Variants in ABAT observed in about 807,000 individuals in gnomAD.
ABAT encodes the protein 4-aminobutyrate aminotransferase.
In ABAT, 45 loss-of-function variants were observed where a neutral mutation model predicts 64.6. That is an observed-to-expected ratio of 0.70 (90% CI 0.55 to 0.89). The LOEUF is 0.89. Ranked by LOEUF, ABAT falls within the 40% of genes least tolerant of loss-of-function variation. The pLI, the probability that ABAT is intolerant of heterozygous loss-of-function variation, is 0.00. For synonymous variants in ABAT, 297 were observed against 250.5 expected, an observed-to-expected ratio of 1.19 and a Z score of -1.75; for missense variants, 633 against 658.4, an observed-to-expected ratio of 0.96 and a Z score of 0.42.
chr16:8,709,826 C>CTTTT (rs35255805), intron 1 of ABAT, among the ~76,000 whole-genome samples: 9 of 146,054 alleles, frequency 6.2e-5, no homozygotes, highest in Admixed American at 2.7e-4. Flanking sequence ...AGTCAGTTAA[C>CTTTT]TTTTTTTTTT....
At chr16:8,723,256 C>T (rs1389908749) in intron 1 of ABAT, among the ~76,000 whole-genome samples, 3 of 151,968 alleles carry the variant, frequency 2.0e-5, no homozygotes, top group African/African-American at 4.8e-5. Context: ...GAGAGGAAGC[C>T]GAGAGGCTAT....
chr16:8,769,557 CAAAAAAAAA>C (rs35002036), intron 11 of ABAT, among the ~76,000 whole-genome samples: 7 of 86,766 alleles, frequency 8.1e-5, no homozygotes, highest in African/African-American at 1.8e-4. Flanking sequence ...AGACTCTGTC[CAAAAAAAAA>C]AAAAAAAAAA....
intron 11 of ABAT, among the ~76,000 whole-genome samples, chr16:8,771,501 C>G (rs1421913845): frequency 3.6e-5 from 5 of 140,264 alleles, no homozygotes; most frequent in Non-Finnish European, 6.0e-5. Context: ...GAGTTTCACT[C>G]TCTTGCCCAG....
At chr16:8,740,743 C>G (rs2059140569) in intron 2 of ABAT, among the ~76,000 whole-genome samples, 1 of 152,216 alleles carries the variant, frequency 6.6e-6, no homozygotes, top group African/African-American at 2.4e-5. Context: ...AAATAGAATA[C>G]AGAGAGTGGG....
chr16:8,742,277 CT>C, intron 2 of ABAT, among the ~76,000 whole-genome samples: 1 of 152,212 alleles, frequency 6.6e-6, no homozygotes, highest in Admixed American at 6.5e-5. Flanking sequence ...GCAGCTCCCC[CT>C]GTGTACTGCT....
At chr16:8,677,765 CT>C (rs2057238032) in intron 1 of ABAT, among the ~76,000 whole-genome samples, 1 of 152,170 alleles carries the variant, frequency 6.6e-6, no homozygotes, top group Admixed American at 6.6e-5. Context: ...AACTGCTGGT[CT>C]AATACATGGC....
intron 4 of ABAT, among the ~76,000 whole-genome samples, chr16:8,748,749 T>A (rs1026767623): frequency 3.3e-5 from 5 of 152,224 alleles, no homozygotes; most frequent in Admixed American, 6.5e-5. Context: ...ATCTTCTTAG[T>A]GGATTGACCC....
intron 1 of ABAT, among the ~76,000 whole-genome samples, chr16:8,732,439 C>T (rs1396519713): frequency 6.6e-6 from 1 of 150,390 alleles, no homozygotes; most frequent in Non-Finnish European, 1.5e-5. Flanking sequence ...GAGCCTGCTG[C>T]CTTCAAGCAT....
intron 1 of ABAT, among the ~76,000 whole-genome samples, chr16:8,729,817 CT>C (rs1567290053): frequency 1.1e-5 from 1 of 95,122 alleles, no homozygotes; most frequent in Non-Finnish European, 2.0e-5. Context: ...TTGTCTAGCC[CT>C]TTTTTGTCTT....
intron 2 of ABAT, 110 bp downstream of exon 2, chr16:8,735,919 G>A (rs1168900420): frequency 2.2e-6 from 2 of 928,380 alleles, no homozygotes; most frequent in Non-Finnish European, 3.4e-6. Flanking sequence ...GCCAGTGAGT[G>A]TTTCTGGGAC....
intron 1 of ABAT, among the ~76,000 whole-genome samples, chr16:8,692,661 C>A (rs960375350): frequency 6.6e-6 from 1 of 152,190 alleles, no homozygotes; most frequent in African/African-American, 2.4e-5. Context: ...TGCTGCTGAA[C>A]ATGGTATGCC....
Position 8,776,453 on chromosome 16 carries a change from C to T in ABAT, c.1232C>T (p.Ala411Val). Reference protein sequence around the residue: ...REDLLNNAAHAGKALLTGLLD... With the variant: ...REDLLNNAAHVGKALLTGLLD... Reference sequence around the variant, plus strand: ...GACCTGCTAAATAATGCAGCCCATGCCGGGAAGGCCCTGCTCACAGGACTG... The same window carrying T: ...GACCTGCTAAATAATGCAGCCCATGTCGGGAAGGCCCTGCTCACAGGACTG... Residue 411 changes from alanine (A) to valine (V), a missense_variant, in exon 14 of 16, where the codon GCC becomes GTC. Coordinates refer to ENST00000268251, the MANE Select transcript of ABAT (RefSeq NM_020686.6). This position sits in a 1 kb window ranked among gnomAD's most constrained non-coding sequence, Gnocchi z 4.4. 6.2e-7 allele frequency: 1 copy of T among 1,614,200 alleles called. No individual in the cohort carries two copies. Among genetic ancestry groups the T allele is most frequent in the African/African-American group, 1.3e-5 (1 of 75,054 alleles).
chr16:8,721,885 G>A (rs1385159577), intron 1 of ABAT, among the ~76,000 whole-genome samples: 1 of 152,202 alleles, frequency 6.6e-6, no homozygotes, highest in Non-Finnish European at 1.5e-5. Context: ...AGAGGTGGGT[G>A]GGACTGAAGA....
At chr16:8,765,041 T>C (rs1273037153) in intron 8 of ABAT, among the ~76,000 whole-genome samples, 6 of 151,958 alleles carry the variant, frequency 3.9e-5, no homozygotes, top group African/African-American at 1.5e-4. Flanking sequence ...ATCAAAACTA[T>C]GCAATGGGGG....
chr16:8,755,002 C>T (rs560971884), intron 5 of ABAT, among the ~76,000 whole-genome samples: 79 of 152,124 alleles, frequency 5.2e-4, no homozygotes, highest in Non-Finnish European at 9.0e-4. Context: ...TTCTTATCTG[C>T]TATTCTTCAA....
intron 1 of ABAT, among the ~76,000 whole-genome samples, chr16:8,720,427 TC>T (rs1245128132): frequency 6.6e-6 from 1 of 152,230 alleles, no homozygotes; most frequent in Non-Finnish European, 1.5e-5. Flanking sequence ...TATTTCTGTC[TC>T]CCTATACAAG....
intron 1 of ABAT, among the ~76,000 whole-genome samples, chr16:8,732,636 C>A (rs1158662481): frequency 6.6e-6 from 1 of 151,548 alleles, no homozygotes; most frequent in Non-Finnish European, 1.5e-5. Flanking sequence ...TACACAGACA[C>A]GGCAACCATC....
At chr16:8,752,721 C>A (rs1293857565) in intron 5 of ABAT, among the ~76,000 whole-genome samples, 1 of 152,174 alleles carries the variant, frequency 6.6e-6, no homozygotes, top group African/African-American at 2.4e-5. Flanking sequence ...GGGCTATGAT[C>A]ACTCCACTGC....
At chr16:8,733,456 G>A (rs374318375) in intron 1 of ABAT, among the ~76,000 whole-genome samples, 1 of 151,786 alleles carries the variant, frequency 6.6e-6, no homozygotes, top group East Asian at 1.9e-4. Flanking sequence ...CTGCAATCTC[G>A]GCACTTTGGG....
Sources: allele counts gnomAD v4.1 joint callset (sites outside exome capture counted in the v4.1 genomes callset), GRCh38; gene constraint gnomAD v4.1.1; non-coding constraint Gnocchi (gnomAD v3.1); transcripts MANE v1.5; gene names NCBI Gene and HGNC (gene_info 2026-07-23, HGNC 2026-07-21).